The following ADGRG1 variants were observed in gnomAD, a reference collection of about 807,000 sequenced individuals.
ADGRG1 encodes the protein 7-transmembrane protein with no EGF-like N-terminal domains-1.
ADGRG1 carries 53 observed loss-of-function variants against 73.5 expected under a neutral mutation model. That is an observed-to-expected ratio of 0.72 (90% CI 0.58 to 0.91). The LOEUF (loss-of-function observed/expected upper bound fraction) is 0.91. Ranked by LOEUF, ADGRG1 falls within the 40% of genes least tolerant of loss-of-function variation. ADGRG1 has a pLI of 0.00. For missense variants in ADGRG1, 795 were observed against 871.8 expected, an observed-to-expected ratio of 0.91 and a Z score of 1.11; for synonymous variants, 394 against 374.4, an observed-to-expected ratio of 1.05 and a Z score of -0.60.
At chr16:57,654,942 C>A in intron 5 of ADGRG1, 2 of 437,176 alleles carry the variant, frequency 4.6e-6, no homozygotes, top group Non-Finnish European at 6.1e-6. Context: ...TTGGTCTTGA[C>A]CTCCGGGGTT....
At chr16:57,644,319 G>A (rs2041679133) in intron 1 of ADGRG1, 5 of 432,562 alleles carry the variant, frequency 1.2e-5, no homozygotes, top group South Asian at 9.8e-5. Flanking sequence ...ATGCACACAA[G>A]GACATTCATG....
Position 57,635,945 on chromosome 16 carries a change from C to T in ADGRG1, c.-36+7143C>T, listed in dbSNP as rs545203110. 2.4e-4 allele frequency: 237 copies of T among 985,380 alleles called. 1 individual carries two copies. The South Asian group carries it at 8.0e-3, about 33-fold the overall frequency. The allele number at this position is 985,380 out of a possible 1,614,324, so 61.0% of individuals were successfully genotyped here. On this transcript the variant is annotated intron_variant, in intron 1 of 13. Transcript: ENST00000562631. The stretch of plus-strand genomic sequence containing the variant: ...GCATATCCTATGGTTTGCACTTGTA[C>T]GTGGCTCCCTGCCCTGCCCCAGCTC...
At chr16:57,662,120 C>A (rs2047252106) in intron 13 of ADGRG1, among the ~76,000 whole-genome samples, 155 bp downstream of exon 13, 1 of 152,240 alleles carries the variant, frequency 6.6e-6, no homozygotes, top group South Asian at 2.1e-4. Context: ...GTCAACAAGT[C>A]TTGATTGAGC....
intron 1 of ADGRG1, chr16:57,637,471 C>A (rs1378138400): frequency 1.0e-6 from 1 of 985,242 alleles, no homozygotes; most frequent in Non-Finnish European, 1.2e-6. Context: ...TACCTCCCCC[C>A]AGGTCCCCTG....
chr16:57,628,032 G>A, upstream of ADGRG1: 1 of 983,406 alleles, frequency 1.0e-6, no homozygotes, highest in Non-Finnish European at 1.2e-6. Flanking sequence ...AACTGTGGGT[G>A]CTTGAGGAGC....
chr16:57,655,041 C>T, intron 5 of ADGRG1: 3 of 984,438 alleles, frequency 3.0e-6, no homozygotes, highest in South Asian at 9.4e-5. Context: ...CTTGAGACTG[C>T]CCCCTGAGTG....
intron 1 of ADGRG1, chr16:57,644,164 C>T: frequency 2.0e-6 from 2 of 985,330 alleles, no homozygotes; most frequent in Non-Finnish European, 2.4e-6. Flanking sequence ...GAGCTCCCCG[C>T]CTTCTCTTGC....
At chr16:57,660,392 C>T (rs1311909143) in intron 11 of ADGRG1, 18 of 984,654 alleles carry the variant, frequency 1.8e-5, no homozygotes, top group South Asian at 9.4e-5. Context: ...ACCGAACGGG[C>T]GAGGTCAAGG....
chr16:57,663,531 C>T lies in ADGRG1; in HGVS notation c.2013C>T (p.Asp671=), dbSNP rs1268538318. Residue 671 remains aspartate (D), a synonymous_variant, in exon 14 of 14, where the codon GAC becomes GAT. Transcript: ENST00000562631. Reference sequence around the variant, plus strand: ...CCTCCCCTCTGAAGAGCAACTCAGACAGCGCCAGGCTCCCCATCAGCTCGG... The same window carrying T: ...CCTCCCCTCTGAAGAGCAACTCAGATAGCGCCAGGCTCCCCATCAGCTCGG... ...GGPSPLKSNS[D]SARLPISSGS... is the part of the protein sequence containing the mutation. 4.3e-6 allele frequency: 7 copies of T among 1,613,780 alleles called. No homozygotes were observed. Among genetic ancestry groups the T allele is most frequent in the African/African-American group, 1.3e-5 (1 of 74,940 alleles).
upstream of ADGRG1, among the ~76,000 whole-genome samples, chr16:57,625,073 G>A (rs745876546): frequency 6.6e-6 from 1 of 152,042 alleles, no homozygotes; most frequent in Non-Finnish European, 1.5e-5. Flanking sequence ...CAGAGAGGGT[G>A]CAGCAGCATT....
chr16:57,636,160 C>A, intron 1 of ADGRG1: 3 of 985,388 alleles, frequency 3.0e-6, no homozygotes, highest in Non-Finnish European at 3.6e-6. Flanking sequence ...CTTTGCACAT[C>A]TGCTACCTGG....
chr16:57,663,389 G>A, intron 13 of ADGRG1, 63 bp from the exon 14 acceptor site: 1 of 1,603,386 alleles, frequency 6.2e-7, no homozygotes, highest in Non-Finnish European at 8.5e-7. Context: ...TGGCTGGGGA[G>A]GGAGGAGGAG....
At chr16:57,633,252 GT>G in intron 1 of ADGRG1, 1 of 915,448 alleles carries the variant, frequency 1.1e-6, no homozygotes, top group Non-Finnish European at 1.3e-6. Flanking sequence ...ACTTCAAGAG[GT>G]TCTCCCTAAA....
Position 57,655,865 on chromosome 16 carries a change from C to T in ADGRG1, c.901-11C>T, listed in dbSNP as rs780501277. On this transcript the variant is annotated splice_polypyrimidine_tract_variant and intron_variant, in intron 6 of 13. Coordinates refer to ENST00000562631, the MANE Select transcript of ADGRG1 (RefSeq NM_201525.4). ...CCTCCCTACTCTCTTCCTCCAACCC[C>T]ATGTATCTAGGACAAGAATTCCAGC... The T allele has an allele frequency of 5.6e-6, 9 of 1,614,006 alleles. No homozygotes were observed. In the African/African-American group the frequency reaches 1.2e-4, roughly 22 times the overall value.
At chr16:57,626,984 A>G (rs1010766023), upstream of ADGRG1, 15 of 985,408 alleles carry the variant, frequency 1.5e-5, no homozygotes, top group African/African-American at 2.6e-4. Flanking sequence ...AGCAGAGGGT[A>G]TGACATGGGC....
At chr16:57,646,309 G>A (rs2042618462) in intron 1 of ADGRG1, 6 of 897,490 alleles carry the variant, frequency 6.7e-6, no homozygotes, top group Non-Finnish European at 8.0e-6. Flanking sequence ...AGAGGGGCAG[G>A]GCTGAGCCAG....
In ADGRG1 at chr16:57,650,988, G is replaced by A. The variant is rs112831306; in HGVS notation, c.65-212G>A. 211 of 942,658 alleles carry A rather than the reference G, an allele frequency of 2.2e-4. 1 individual carries two copies. Among genetic ancestry groups the A allele is most frequent in the Non-Finnish European group, 2.4e-4 (191 of 790,940 alleles). The allele number at this position is 942,658 out of a possible 1,614,324, so 58.4% of individuals were successfully genotyped here. On this transcript the variant is annotated intron_variant, in intron 2 of 13. Transcript: ENST00000562631. ...CTCCCAAAGTGCTGGGATTACAGGCGTGAGCCACCGCGCCCGGCCTCAGTT... is the reference window on the plus strand; with the variant it reads ...CTCCCAAAGTGCTGGGATTACAGGCATGAGCCACCGCGCCCGGCCTCAGTT...
intron 8 of ADGRG1, 35 bp from the exon 9 acceptor site, chr16:57,656,479 G>A (rs753293492): frequency 3.8e-6 from 6 of 1,587,366 alleles, no homozygotes; most frequent in South Asian, 1.1e-5. Context: ...TGGAGGACTG[G>A]ACTTGATTGG....
intron 10 of ADGRG1, 113 bp from the exon 11 acceptor site, chr16:57,659,300 G>T: frequency 6.3e-7 from 1 of 1,587,472 alleles, no homozygotes. Context: ...ATGTATGACT[G>T]CATGTGTGTG....
Sources: allele counts gnomAD v4.1 joint callset (sites outside exome capture counted in the v4.1 genomes callset), GRCh38; gene constraint gnomAD v4.1.1; transcripts MANE v1.5; gene names NCBI Gene and HGNC (gene_info 2026-07-23, HGNC 2026-07-21).